The following COPG2 variants were observed in gnomAD, a reference collection of about 807,000 sequenced individuals.
COPG2 encodes coat protein complex I subunit gamma 2.
COPG2 carries 37 observed loss-of-function variants against 46.3 expected under a neutral mutation model. That is an observed-to-expected ratio of 0.80 (90% CI 0.61 to 1.05). The LOEUF (loss-of-function observed/expected upper bound fraction) is 1.05, where lower values mean the gene tolerates loss of function less well. Among genes scored for constraint, COPG2 ranks in the 50% least tolerant of loss-of-function variants. COPG2 has a pLI of 0.00. For missense variants in COPG2, 427 were observed against 387.8 expected (o/e 1.10, Z -0.85); for synonymous variants, 159 against 129.7 (o/e 1.23, Z -1.53).
At chr7:130,569,409 T>C (rs1488471857) in intron 9 of COPG2, among the ~76,000 whole-genome samples, 1 of 152,064 alleles carries the variant, frequency 6.6e-6, no homozygotes, top group African/African-American at 2.4e-5. Flanking sequence ...CAAAAGATCA[T>C]TCAAGGCCAC....
intron 20 of COPG2, among the ~76,000 whole-genome samples, chr7:130,515,706 G>A (rs1433711581): frequency 6.6e-6 from 1 of 152,088 alleles, no homozygotes; most frequent in Non-Finnish European, 1.5e-5. Flanking sequence ...AAGGAGAGGA[G>A]AGATGGAGAG....
At chr7:130,665,611 T>G (rs1554461327) in intron 3 of COPG2, among the ~76,000 whole-genome samples, 2 of 149,766 alleles carry the variant, frequency 1.3e-5, no homozygotes, top group Admixed American at 6.7e-5. Context: ...GATTATAGTC[T>G]AAGTATTATA....
At chr7:130,596,790 C>T (rs567473563) in intron 9 of COPG2, among the ~76,000 whole-genome samples, 148 of 152,320 alleles carry the variant, frequency 9.7e-4, no homozygotes, top group African/African-American at 3.2e-3. Flanking sequence ...ATTCACCTGG[C>T]ATTTTGTAAA....
chr7:130,606,340 A>AG (rs1554451250), intron 9 of COPG2, among the ~76,000 whole-genome samples: 1 of 151,950 alleles, frequency 6.6e-6, no homozygotes, highest in East Asian at 1.9e-4. Context: ...GAAGGAAGGA[A>AG]GAAGGAAGGA....
intron 9 of COPG2, among the ~76,000 whole-genome samples, chr7:130,602,400 A>T (rs1305543852): frequency 6.6e-6 from 1 of 152,104 alleles, no homozygotes; most frequent in Non-Finnish European, 1.5e-5. Flanking sequence ...TTATATTATT[A>T]CCATATTTTC....
Position 130,613,644 on chromosome 7 carries a change from C to T in COPG2, c.400-8G>A. ...GGCTTGCAACATTGTTCCCTAATAACATTCAAAAAGAAAAAATTGTTAAGG... is the reference window on the plus strand; with the variant it reads ...GGCTTGCAACATTGTTCCCTAATAATATTCAAAAAGAAAAAATTGTTAAGG... On this transcript the variant is annotated splice_region_variant and splice_polypyrimidine_tract_variant and intron_variant, in intron 6 of 23. Transcript: ENST00000425248. The T allele has an allele frequency of 6.4e-7, 1 of 1,572,178 alleles. No individual in the cohort carries two copies. The highest frequency in any genetic ancestry group is 8.7e-7 in the Non-Finnish European group (1 of 1,152,620).
chr7:130,585,701 G>A (rs145654571), intron 9 of COPG2, among the ~76,000 whole-genome samples: 29,612 of 151,618 alleles, frequency 0.2, 3,230 homozygotes, highest in Middle Eastern at 0.25. Flanking sequence ...AATGAGCAAC[G>A]AACATATAAA....
At chr7:130,513,323 A>ATGTGTGTGAGTGTGTG (rs1401302098) in intron 20 of COPG2, among the ~76,000 whole-genome samples, 1 of 48,326 alleles carries the variant, frequency 2.1e-5, no homozygotes, top group Non-Finnish European at 3.9e-5. Context: ...ATATATATAT[A>ATGTGTGTGAGTGTGTG]TATATATATA....
chr7:130,572,854 G>C (rs1465875310), intron 9 of COPG2, among the ~76,000 whole-genome samples: 1 of 151,664 alleles, frequency 6.6e-6, no homozygotes, highest in African/African-American at 2.4e-5. Context: ...ATAAATATTA[G>C]AGCACAGGTT....
At chr7:130,517,002 A>G (rs1799683866) in intron 20 of COPG2, among the ~76,000 whole-genome samples, 1 of 152,196 alleles carries the variant, frequency 6.6e-6, no homozygotes. Flanking sequence ...GGGAGTATCC[A>G]GAAGAACCCA....
At chr7:130,614,562 G>C (rs1342213473) in intron 6 of COPG2, among the ~76,000 whole-genome samples, 1 of 152,136 alleles carries the variant, frequency 6.6e-6, no homozygotes, top group Non-Finnish European at 1.5e-5. Flanking sequence ...CATACTACAT[G>C]ATCTCATCCC....
rs1176421193 is a variant in COPG2, at chr7:130,613,413, C to T, written c.492+131G>A. The T allele has an allele frequency of 7.6e-6, 5 of 658,108 alleles. No individual in the cohort carries two copies. The Admixed American group carries it at 7.9e-5, about 10-fold the overall frequency. 40.8% of individuals were successfully genotyped at this position (658,108 alleles called of 1,614,324 possible). A position where few individuals can be genotyped will look rare whatever the true frequency, so the allele number is the denominator to read the frequency against. The stretch of plus-strand genomic sequence containing the variant: ...GGACCCCTGCTCTAGATAAAACACA[C>T]TTGGATAAAGTAATAGAGGTGTATA... On this transcript the variant is annotated intron_variant, in intron 7 of 23. Coordinates refer to ENST00000425248, the MANE Select transcript of COPG2 (RefSeq NM_012133.6).
intron 6 of COPG2, among the ~76,000 whole-genome samples, chr7:130,615,187 TAAATCA>T (rs1452837339): frequency 6.6e-6 from 1 of 152,238 alleles, no homozygotes; most frequent in Non-Finnish European, 1.5e-5. Context: ...TTTGTCACAT[TAAATCA>T]AACTCATAGG....
chr7:130,590,393 C>T (rs1396775571), intron 9 of COPG2, among the ~76,000 whole-genome samples: 1 of 152,186 alleles, frequency 6.6e-6, no homozygotes, highest in Non-Finnish European at 1.5e-5. Context: ...GTGCCTGCGA[C>T]TGCAGGTGCG....
At chr7:130,589,025 C>T (rs782269796) in intron 9 of COPG2, among the ~76,000 whole-genome samples, 1 of 152,028 alleles carries the variant, frequency 6.6e-6, no homozygotes, top group Non-Finnish European at 1.5e-5. Flanking sequence ...TGTATATTTA[C>T]TTCACACAGT....
chr7:130,632,602 TCA>T (rs1398081621), intron 5 of COPG2, among the ~76,000 whole-genome samples: 4 of 152,172 alleles, frequency 2.6e-5, no homozygotes, highest in Non-Finnish European at 5.9e-5. Flanking sequence ...TGATACAGTC[TCA>T]CAGGCCAGTG....
intron 5 of COPG2, among the ~76,000 whole-genome samples, chr7:130,619,506 G>A (rs945487807): frequency 2.6e-5 from 4 of 152,108 alleles, no homozygotes; most frequent in South Asian, 4.2e-4. Context: ...CTGCCCTCCC[G>A]TGTATCTCCA....
intron 9 of COPG2, 87 bp downstream of exon 9, chr7:130,610,866 C>T: frequency 1.5e-6 from 2 of 1,362,630 alleles, no homozygotes; most frequent in East Asian, 4.6e-5. Flanking sequence ...TAGCACTGCC[C>T]CAAAAAAAAT....
intron 18 of COPG2, among the ~76,000 whole-genome samples, chr7:130,548,862 G>A (rs1024313001): frequency 8.6e-5 from 13 of 151,864 alleles, no homozygotes; most frequent in Admixed American, 2.0e-4. Flanking sequence ...AGCTTGCAGC[G>A]AGCCGGTATT....
Sources: allele counts gnomAD v4.1 joint callset (sites outside exome capture counted in the v4.1 genomes callset), GRCh38; gene constraint gnomAD v4.1.1; transcripts MANE v1.5; gene names NCBI Gene and HGNC (gene_info 2026-07-23, HGNC 2026-07-21).